The following RUVBL1 variants were observed in gnomAD, a reference collection of about 807,000 sequenced individuals.
The protein encoded by RUVBL1 is ruvB-like 1.
A neutral mutation model predicts 52.4 loss-of-function variants in RUVBL1; 4 were observed. The ratio of observed to expected loss-of-function variants is 0.08; its 90% CI spans 0.04 to 0.17. The LOEUF (loss-of-function observed/expected upper bound fraction) is 0.17, where lower values mean the gene tolerates loss of function less well. Ranked by LOEUF, RUVBL1 falls within the 10% of genes least tolerant of loss-of-function variation. RUVBL1 has a pLI of 1.00. For missense variants in RUVBL1, 298 were observed against 572.8 expected (o/e 0.52, Z 4.90); for synonymous variants, 217 against 214.4 (o/e 1.01, Z -0.10).
At chr3:128,130,973 G>A (rs1201825198) in intron 1 of RUVBL1, among the ~76,000 whole-genome samples, 2 of 150,480 alleles carry the variant, frequency 1.3e-5, no homozygotes, top group Admixed American at 6.6e-5. Flanking sequence ...AATTTTATTT[G>A]CCAGGCATGA....
intron 1 of RUVBL1, among the ~76,000 whole-genome samples, chr3:128,130,456 A>G (rs1234907649): frequency 2.6e-5 from 4 of 151,942 alleles, no homozygotes; most frequent in African/African-American, 9.7e-5. Context: ...GGTTTCTACC[A>G]AACATTTAAA....
intron 8 of RUVBL1, among the ~76,000 whole-genome samples, chr3:128,093,770 G>A (rs1252160856): frequency 6.6e-6 from 1 of 152,214 alleles, no homozygotes; most frequent in Non-Finnish European, 1.5e-5. Flanking sequence ...AGCCAGGCAA[G>A]AAGGCAACAG....
exon 1 of RUVBL1, chr3:128,153,360 T>C (rs1944284733): frequency 1.4e-6 from 2 of 1,383,646 alleles, no homozygotes; most frequent in African/African-American, 1.5e-5. Flanking sequence ...GCTGTGCCCG[T>C]GAGCCTCAGG....
chr3:128,126,974 C>T (rs2107725973), upstream of RUVBL1, among the ~76,000 whole-genome samples: 1 of 152,352 alleles, frequency 6.6e-6, no homozygotes, highest in East Asian at 1.9e-4. Context: ...ATCAGTATCC[C>T]ATCCTCTCAG....
At chr3:128,125,726 G>A (rs1405966476), upstream of RUVBL1, among the ~76,000 whole-genome samples, 2 of 152,220 alleles carry the variant, frequency 1.3e-5, no homozygotes, top group Non-Finnish European at 2.9e-5. Context: ...GGAAGGCTGA[G>A]GTTGTTACTA....
intron 2 of RUVBL1, among the ~76,000 whole-genome samples, chr3:128,113,969 T>C (rs1015799398): frequency 6.6e-6 from 1 of 152,260 alleles, no homozygotes; most frequent in Non-Finnish European, 1.5e-5. Flanking sequence ...AGTAGGATTT[T>C]GAAGCTATGA....
chr3:128,082,461 C>A lies in RUVBL1; in HGVS notation c.1211+22G>T. On this transcript the variant is annotated intron_variant, in intron 10 of 10. Coordinates refer to ENST00000322623, the MANE Select transcript of RUVBL1 (RefSeq NM_003707.3). The surrounding 1 kb of genome is among the most constrained non-coding windows in gnomAD (Gnocchi z 4.7). ...CCTGGCTGTGCTGGGGAGGCCCCGG[C>A]GGGCCCAGGGTACCAGCTCACCTCA... The A allele has an allele frequency of 6.3e-7, 1 of 1,598,666 alleles. No individual in the cohort carries two copies. The highest frequency in any genetic ancestry group is 1.1e-5 in the South Asian group (1 of 90,754).
chr3:128,069,755 T>TTA, intron 9 of RUVBL1: 1 of 998,428 alleles, frequency 1.0e-6, no homozygotes, highest in Non-Finnish European at 1.5e-6. Flanking sequence ...CATATGGACT[T>TTA]TTAATAATGT....
chr3:128,123,752 C>T lies in RUVBL1; in HGVS notation c.-28G>A, dbSNP rs760898211. 4 of 1,583,216 alleles carry T rather than the reference C, an allele frequency of 2.5e-6. No individual in the cohort carries two copies. The highest frequency in any genetic ancestry group is 1.7e-5 in the Admixed American group (1 of 59,224). ...TGCAGACGCCGGGAGCTAAAACCAG[C>T]GTGGAAAACCAGCAGCTAGGACAGT... On this transcript the variant is annotated 5_prime_UTR_variant, in exon 1 of 11. Transcript: ENST00000322623.
intron 1 of RUVBL1, among the ~76,000 whole-genome samples, chr3:128,142,241 C>A (rs1203288650): frequency 1.3e-5 from 2 of 152,180 alleles, no homozygotes; most frequent in South Asian, 4.1e-4. Flanking sequence ...TGGGTCCTGT[C>A]TGGAGCACAT....
chr3:128,111,542 C>T (rs948549584), intron 3 of RUVBL1, among the ~76,000 whole-genome samples: 4 of 152,160 alleles, frequency 2.6e-5, no homozygotes, highest in African/African-American at 9.7e-5. Context: ...TTTGCACTTC[C>T]ACTGCCACCA....
intron 1 of RUVBL1, among the ~76,000 whole-genome samples, chr3:128,153,009 TTCGCC>T (rs2107746019): frequency 2.1e-5 from 1 of 47,832 alleles, no homozygotes; most frequent in Admixed American, 2.3e-4. Flanking sequence ...CCCGCCCCCC[TTCGCC>T]CCCCCATGTT....
rs1180596814 is a variant in RUVBL1 at position 128,100,583 on chromosome 3, T to C, written c.753+12A>G. ...GCTAATGTGCCAGATCACCCAGGCA[T>C]CGAGGCAGTACCTGGGGCCGCGCAT... On this transcript the variant is annotated intron_variant, in intron 6 of 10. Coordinates refer to ENST00000322623, the MANE Select transcript of RUVBL1 (RefSeq NM_003707.3). The C allele has an allele frequency of 6.3e-7, 1 of 1,586,716 alleles. No individual in the cohort carries two copies. The highest frequency in any genetic ancestry group is 1.9e-5 in the Admixed American group (1 of 53,220).
intron 4 of RUVBL1, among the ~76,000 whole-genome samples, chr3:128,103,629 A>G (rs1943157530): frequency 6.6e-6 from 1 of 152,188 alleles, no homozygotes; most frequent in African/African-American, 2.4e-5. Flanking sequence ...CTGACTTCCA[A>G]AGGTCACACA....
intron 9 of RUVBL1, chr3:128,070,826 G>C (rs1345044984): frequency 6.6e-6 from 1 of 152,424 alleles, no homozygotes; most frequent in Non-Finnish European, 1.5e-5. Flanking sequence ...GTGCTGACAG[G>C]TGGCCTAGGT....
rs60187195 is a variant in RUVBL1 at position 128,109,809 on chromosome 3, ATTTTTTTTTTTTTT to A, written c.361+3065_361+3078del. Reference sequence around the variant, plus strand: ...GCCATCAGGCCTGGCCTCTCTGTAAATTTTTTTTTTTTTTTTTTTTTTTTTTGAGACAGAGTCTC... The same window carrying A: ...GCCATCAGGCCTGGCCTCTCTGTAAATTTTTTTTTTTTGAGACAGAGTCTC... On this transcript the variant is annotated intron_variant, in intron 3 of 10. Transcript: ENST00000322623. Among the ~76,000 whole-genome samples the A allele has an allele frequency of 7.5e-5, 6 of 80,488 alleles. No homozygotes were observed. In the Admixed American group the frequency reaches 7.7e-4, roughly 10 times the overall value. The allele number at this position is 80,488 out of a possible 152,430, so 52.8% of individuals were successfully genotyped here. A position where few individuals can be genotyped will look rare whatever the true frequency, so the allele number is the denominator to read the frequency against.
intron 1 of RUVBL1, among the ~76,000 whole-genome samples, chr3:128,136,690 C>T (rs1310786768): frequency 2.7e-5 from 4 of 148,576 alleles, no homozygotes; most frequent in Non-Finnish European, 4.5e-5. Context: ...AAGACACACA[C>T]AGATGGAAAA....
At chr3:128,105,073 C>A in intron 3 of RUVBL1, 149 bp from the exon 4 acceptor site, 5 of 655,600 alleles carry the variant, frequency 7.6e-6, no homozygotes, top group Middle Eastern at 4.6e-4. Context: ...GCAATACAAA[C>A]ATATCAATGT....
upstream of RUVBL1, among the ~76,000 whole-genome samples, chr3:128,128,007 AATACATAC>A (rs57824701): frequency 0.041 from 6,147 of 148,958 alleles, 141 homozygotes; most frequent in African/African-American, 0.058. Context: ...AAAAATAATA[AATACATAC>A]ATACATACAT....
Sources: allele counts gnomAD v4.1 joint callset (sites outside exome capture counted in the v4.1 genomes callset), GRCh38; gene constraint gnomAD v4.1.1; non-coding constraint Gnocchi (gnomAD v3.1); transcripts MANE v1.5; gene names NCBI Gene and HGNC (gene_info 2026-07-23, HGNC 2026-07-21).